SLC6A3: variants seen among roughly 807,000 people sequenced by gnomAD.
SLC6A3 encodes sodium-dependent dopamine transporter.
Under a neutral mutation model 70.4 loss-of-function variants are expected in SLC6A3, and 19 were observed. The ratio of observed to expected loss-of-function variants is 0.27; its 90% CI spans 0.19 to 0.40. The LOEUF (loss-of-function observed/expected upper bound fraction) is 0.40. SLC6A3 is among the 10% of genes least tolerant of loss of function. SLC6A3 has a pLI of 1.00. For missense variants in SLC6A3, 613 were observed against 838.5 expected, an observed-to-expected ratio of 0.73 and a Z score of 3.32; for synonymous variants, 368 against 356.6, an observed-to-expected ratio of 1.03 and a Z score of -0.36.
In SLC6A3 at chr5:1,423,148, C is replaced by T. The variant is rs1237569343; in HGVS notation, c.654-1134G>A. On this transcript the variant is annotated intron_variant, in intron 4 of 14. Coordinates refer to ENST00000270349, the MANE Select transcript of SLC6A3 (RefSeq NM_001044.5). Reference sequence around the variant, plus strand: ...GCTGCCCACGGTGCTAGGTGCCCACCGCTGCCCACAGTGCTGCCCACGCTG... The same window carrying T: ...GCTGCCCACGGTGCTAGGTGCCCACTGCTGCCCACAGTGCTGCCCACGCTG... Among the ~76,000 whole-genome samples, 4 of 106,358 alleles carry T rather than the reference C, an allele frequency of 3.8e-5. 1 individual carries two copies. The highest frequency in any genetic ancestry group is 7.5e-5 in the Non-Finnish European group (4 of 53,548). 69.8% of individuals were successfully genotyped at this position (106,358 alleles called of 152,430 possible).
chr5:1,416,932 C>T (rs2963252), intron 6 of SLC6A3, among the ~76,000 whole-genome samples: 3,259 of 152,264 alleles, frequency 0.021, 118 homozygotes, highest in African/African-American at 0.075. Context: ...TGGTGGCACC[C>T]TGATAACCCT....
chr5:1,429,937 A>G (rs931335405), intron 4 of SLC6A3, among the ~76,000 whole-genome samples: 1 of 152,162 alleles, frequency 6.6e-6, no homozygotes, highest in Admixed American at 6.5e-5. Context: ...AGAATGTTAA[A>G]ATCTACTTGG....
intron 3 of SLC6A3, among the ~76,000 whole-genome samples, chr5:1,433,577 G>A (rs1282549938): frequency 1.4e-5 from 2 of 148,046 alleles, no homozygotes; most frequent in Non-Finnish European, 3.0e-5. Flanking sequence ...ACATCCATCC[G>A]CAGCCATCCA....
intron 8 of SLC6A3, among the ~76,000 whole-genome samples, chr5:1,412,582 C>T (rs766050413): frequency 2.0e-5 from 3 of 152,154 alleles, no homozygotes; most frequent in Non-Finnish European, 2.9e-5. Context: ...CAAAAGTCAA[C>T]GCAGTTTGGT....
chr5:1,409,613 C>G, intron 10 of SLC6A3, 108 bp downstream of exon 10: 10 of 1,345,774 alleles, frequency 7.4e-6, no homozygotes, highest in Non-Finnish European at 1.1e-5. Flanking sequence ...TCGCAGCTCC[C>G]TGGAAGTGCT....
At chr5:1,403,187 C>T (rs1005864783) in intron 12 of SLC6A3, 98 bp from the exon 13 acceptor site, 2 of 1,390,994 alleles carry the variant, frequency 1.4e-6, no homozygotes, top group East Asian at 2.5e-5. Context: ...CGTCTCTCAG[C>T]CCCCACAGCT....
At chr5:1,444,837 G>A (rs1733759901) in intron 1 of SLC6A3, among the ~76,000 whole-genome samples, 1 of 152,162 alleles carries the variant, frequency 6.6e-6, no homozygotes, top group Non-Finnish European at 1.5e-5. Flanking sequence ...AACAAGAAGC[G>A]GCGCTGCCTG....
rs1182886305 is a variant in SLC6A3 at position 1,396,855 on chromosome 5, AG to A, written c.1840-2098del. ...AAGCCAAATAATACACTTTTTAGGA[AG>A]CTAGAAATATCTAGAGATGCAACAA... On this transcript the variant is annotated intron_variant, in intron 14 of 14. Coordinates refer to ENST00000270349, the MANE Select transcript of SLC6A3 (RefSeq NM_001044.5). This position sits in a 1 kb window ranked among gnomAD's most constrained non-coding sequence, Gnocchi z 7.0. 6.6e-6 allele frequency among the ~76,000 whole-genome samples: 1 copy of A among 152,206 alleles called. No individual in the cohort carries two copies. The highest frequency in any genetic ancestry group is 1.5e-5 in the Non-Finnish European group (1 of 68,044).
intron 4 of SLC6A3, among the ~76,000 whole-genome samples, chr5:1,425,269 G>A (rs994102766): frequency 6.6e-6 from 1 of 152,218 alleles, no homozygotes; most frequent in African/African-American, 2.4e-5. Context: ...CTCTCACCCC[G>A]TTTTACCAAG....
intron 6 of SLC6A3, among the ~76,000 whole-genome samples, chr5:1,419,319 GCATT>G (rs1553987015): frequency 1.4e-5 from 1 of 72,604 alleles, no homozygotes; most frequent in Non-Finnish European, 2.7e-5. Context: ...TACTTACCTA[GCATT>G]CATCCATCCA....
chr5:1,395,984 A>G lies in SLC6A3; in HGVS notation c.1840-1226T>C, dbSNP rs144296484. ...GTGAGTCCCCAGAAACCAGACCTCA[A>G]TTTGACCCCAAAGGACCAGAGCTGT... On this transcript the variant is annotated intron_variant, in intron 14 of 14. Transcript: ENST00000270349. Among the ~76,000 whole-genome samples the G allele has an allele frequency of 1.6e-3, 248 of 152,344 alleles. 4 individuals carry two copies. Among genetic ancestry groups the G allele is most frequent in the African/African-American group, 5.6e-3 (232 of 41,580 alleles).
At chr5:1,423,794 C>A (rs1189428717) in intron 4 of SLC6A3, among the ~76,000 whole-genome samples, 1 of 152,236 alleles carries the variant, frequency 6.6e-6, no homozygotes, top group Non-Finnish European at 1.5e-5. Context: ...GCCAAGACAA[C>A]TGTAACAGCC....
At position 1,401,117 on chromosome 5, in the gene SLC6A3, C is replaced by T. The variant is rs765099203; in HGVS notation, c.1768-131G>A. ...CCAGCCCTCCTCACCTGCCAATGCC[C>T]ACCCGCTGGCATCCATATCACCAGC... is the stretch of plus-strand genomic sequence containing the variant. On this transcript the variant is annotated intron_variant, in intron 13 of 14. Coordinates refer to ENST00000270349, the MANE Select transcript of SLC6A3 (RefSeq NM_001044.5). The surrounding 1 kb of genome is among the most constrained non-coding windows in gnomAD (Gnocchi z 6.1). The T allele has an allele frequency of 9.6e-6, 7 of 730,760 alleles. No homozygotes were observed. The South Asian group carries it at 1.0e-4, about 11-fold the overall frequency. The allele number at this position is 730,760 out of a possible 1,614,324, so 45.3% of individuals were successfully genotyped here.
intron 14 of SLC6A3, 108 bp downstream of exon 14, chr5:1,400,807 A>G: frequency 1.2e-6 from 1 of 832,352 alleles, no homozygotes. Flanking sequence ...GGCTGAGTAA[A>G]TGAGCACCAT....
chr5:1,398,492 T>C (rs1449806528), intron 14 of SLC6A3, among the ~76,000 whole-genome samples: 4 of 151,368 alleles, frequency 2.6e-5, no homozygotes, highest in African/African-American at 9.7e-5. Context: ...ACACTAAAAA[T>C]GGGACAAATG....
rs28382240 is a variant in SLC6A3, at chr5:1,421,792, C to T, written c.792+84G>A. 45 of 1,472,008 alleles carry T rather than the reference C, an allele frequency of 3.1e-5. No individual in the cohort carries two copies. The highest frequency in any genetic ancestry group is 4.5e-5 in the South Asian group (4 of 88,268). The allele number at this position is 1,472,008 out of a possible 1,614,324, so 91.2% of individuals were successfully genotyped here. ...AGCACAAAACCCAACTGAGGCCACA[C>T]GTGCACCTCCTGTCCAGCCACGGCC... On this transcript the variant is annotated intron_variant, in intron 5 of 14. Transcript: ENST00000270349. The surrounding 1 kb of genome is among the most constrained non-coding windows in gnomAD (Gnocchi z 7.2).
At chr5:1,400,801 G>C in intron 14 of SLC6A3, 114 bp downstream of exon 14, 1 of 724,514 alleles carries the variant, frequency 1.4e-6, no homozygotes, top group South Asian at 1.6e-5. Flanking sequence ...CATGCTGGCT[G>C]AGTAAATGAG....
In SLC6A3 at chr5:1,409,055, A is replaced by G. The variant is rs1342102803; in HGVS notation, c.1469T>C (p.Ile490Thr). 6.2e-7 allele frequency: 1 copy of G among 1,613,072 alleles called. No individual in the cohort carries two copies. The highest frequency in any genetic ancestry group is 8.5e-7 in the Non-Finnish European group (1 of 1,179,908). ...GAACCAGGCCACTCCGATGGCTTCG[A>G]TGAGCACTCCAAAGAGGATGGACGT... Reference protein sequence around the residue: ...AGTSILFGVLIEAIGVAWFYG... With the variant: ...AGTSILFGVLTEAIGVAWFYG... Residue 490 changes from isoleucine (I) to threonine (T), a missense_variant, in exon 11 of 15, where the codon ATC becomes ACC. Physicochemically the swap from Ile to Thr is moderately conservative, Grantham distance 89 (BLOSUM62 -1). Around this residue, in one of 4 missense-constraint regions of SLC6A3, gnomAD observed 348 missense variants for 481.2 expected, o/e 0.72. Coordinates refer to ENST00000270349, the MANE Select transcript of SLC6A3 (RefSeq NM_001044.5).
chr5:1,412,644 CA>C (rs1396294434), intron 8 of SLC6A3, among the ~76,000 whole-genome samples: 1 of 152,228 alleles, frequency 6.6e-6, no homozygotes, highest in Admixed American at 6.5e-5. Context: ...GACCTTTGAC[CA>C]GTTCAGAAGC....
Sources: gnomAD v4.1 joint callset for allele counts (sites outside exome capture counted in the v4.1 genomes callset) on GRCh38, gnomAD v4.1.1 for gene constraint, gnomAD v4.1.1 regional missense constraint, Gnocchi (gnomAD v3.1) non-coding constraint, MANE v1.5 for transcripts, NCBI Gene and HGNC (gene_info 2026-07-23, HGNC 2026-07-21) for gene names.